Variants in ITSN1 observed in about 807,000 individuals in gnomAD.
ITSN1 encodes intersectin 1.
ITSN1 carries 58 observed loss-of-function variants against 239.8 expected under a neutral mutation model. The observed-to-expected ratio is 0.24, with a 90% CI of 0.20 to 0.30. The LOEUF is 0.30. Among genes scored for constraint, ITSN1 ranks in the 10% least tolerant of loss-of-function variants. ITSN1 has a pLI of 1.00. For synonymous variants in ITSN1, 780 were observed against 770.8 expected (o/e 1.01, Z -0.20); for missense variants, 1,558 against 2,103.3 (o/e 0.74, Z 5.07).
chr21:33,853,170 T>C (rs79748536), intron 29 of ITSN1, among the ~76,000 whole-genome samples: 2 of 152,194 alleles, frequency 1.3e-5, no homozygotes, highest in Admixed American at 1.3e-4. Flanking sequence ...CACAAAACTT[T>C]TGCTTTTCAT....
chr21:33,663,956 G>A (rs1184996217), intron 1 of ITSN1, among the ~76,000 whole-genome samples: 1 of 152,084 alleles, frequency 6.6e-6, no homozygotes, highest in Non-Finnish European at 1.5e-5. Context: ...TAGACAGTGG[G>A]GGTTGGAACT....
chr21:33,788,528 T>C (rs1234152248), intron 16 of ITSN1, among the ~76,000 whole-genome samples: 1 of 152,146 alleles, frequency 6.6e-6, no homozygotes, highest in African/African-American at 2.4e-5. Context: ...GTCAGGAGTT[T>C]GAGACCAGCC....
rs1016019116 is a variant in ITSN1, at chr21:33,898,253, C to T, written c.*9953C>T. On this transcript the variant is annotated 3_prime_UTR_variant, in exon 40 of 40. Coordinates refer to ENST00000381318, the MANE Select transcript of ITSN1 (RefSeq NM_003024.3). ...ATTGATTCAGTTTATCCCTAATTAG[C>T]GTTTGCGTTTTCCATGAAATTTCCT... 3 of 152,230 alleles carry T rather than the reference C, an allele frequency of 2.0e-5. No individual in the cohort carries two copies. The highest frequency in any genetic ancestry group is 4.8e-5 in the African/African-American group (2 of 41,454). 9.4% of individuals were successfully genotyped at this position (152,230 alleles called of 1,614,324 possible). A position where few individuals can be genotyped will look rare whatever the true frequency, so the allele number is the denominator to read the frequency against.
intron 22 of ITSN1, 101 bp downstream of exon 22, chr21:33,814,173 T>A: frequency 7.6e-7 from 1 of 1,310,002 alleles, no homozygotes; most frequent in Non-Finnish European, 1.1e-6. Flanking sequence ...CAAGCCTTGT[T>A]ATGTGTGTCT....
At chr21:33,749,416 G>T (rs1374889699) in intron 5 of ITSN1, among the ~76,000 whole-genome samples, 1 of 152,154 alleles carries the variant, frequency 6.6e-6, no homozygotes, top group Non-Finnish European at 1.5e-5. Context: ...GCCAAGGCAG[G>T]TGGATCACCT....
chr21:33,744,167 T>C (rs2067039793), intron 5 of ITSN1, among the ~76,000 whole-genome samples: 1 of 152,226 alleles, frequency 6.6e-6, no homozygotes. Flanking sequence ...GGAGCAGGAC[T>C]GCATGCAAAA....
intron 29 of ITSN1, among the ~76,000 whole-genome samples, chr21:33,850,749 C>T (rs1444969321): frequency 1.3e-5 from 2 of 151,878 alleles, no homozygotes; most frequent in Non-Finnish European, 2.9e-5. Context: ...CACGTCATAT[C>T]CATGTGGCTT....
chr21:33,743,854 T>G (rs917795748), intron 5 of ITSN1, among the ~76,000 whole-genome samples: 3 of 152,212 alleles, frequency 2.0e-5, no homozygotes, highest in African/African-American at 7.2e-5. Context: ...TTTAGAATTC[T>G]CAGGGAAAGA....
chr21:33,735,266 CT>C (rs764662576), intron 5 of ITSN1, 62 bp downstream of exon 5: 12 of 1,505,414 alleles, frequency 8.0e-6, no homozygotes, highest in South Asian at 2.3e-5. Context: ...AAATGTTTTC[CT>C]TTTTTTCCCT....
intron 16 of ITSN1, among the ~76,000 whole-genome samples, chr21:33,782,636 A>G (rs868064816): frequency 1.2e-4 from 19 of 152,186 alleles, no homozygotes; most frequent in South Asian, 4.1e-4. Context: ...AAATTGGGAA[A>G]ATGCCAAAAC....
intron 33 of ITSN1, among the ~76,000 whole-genome samples, chr21:33,872,093 A>G (rs767747437): frequency 2.6e-5 from 4 of 152,262 alleles, no homozygotes; most frequent in Admixed American, 6.5e-5. Flanking sequence ...ATAACAAAAC[A>G]AGAAAATACT....
chr21:33,829,451 TG>T, intron 26 of ITSN1, 172 bp from the exon 27 acceptor site: 1 of 664,272 alleles, frequency 1.5e-6, no homozygotes, highest in Non-Finnish European at 2.6e-6. Flanking sequence ...CGTGTCTGCC[TG>T]GTAGCTCTGG....
At position 33,748,189 on chromosome 21, in the gene ITSN1, G is replaced by A. The variant is rs528423342; in HGVS notation, c.347-1954G>A. Among the ~76,000 whole-genome samples, 15 of 152,280 alleles carry A rather than the reference G, an allele frequency of 9.9e-5. No homozygotes were observed. In the East Asian group the frequency reaches 2.9e-3, roughly 29 times the overall value. ...ACCACATAGAAAATTACTTTTGGATGCATACAGTGGCTCAGCCCTGTAATC... is the reference window on the plus strand; with the variant it reads ...ACCACATAGAAAATTACTTTTGGATACATACAGTGGCTCAGCCCTGTAATC... On this transcript the variant is annotated intron_variant, in intron 5 of 39. Coordinates refer to ENST00000381318, the MANE Select transcript of ITSN1 (RefSeq NM_003024.3).
intron 1 of ITSN1, among the ~76,000 whole-genome samples, chr21:33,674,210 G>A (rs1194071152): frequency 6.6e-6 from 1 of 152,118 alleles, no homozygotes; most frequent in East Asian, 1.9e-4. Context: ...TTTTACTGTG[G>A]ATTCTTTTTT....
chr21:33,672,656 A>G (rs1381566414), intron 1 of ITSN1, among the ~76,000 whole-genome samples: 1 of 152,190 alleles, frequency 6.6e-6, no homozygotes, highest in African/African-American at 2.4e-5. Context: ...TCTTGGGAAG[A>G]TATCTGCACT....
chr21:33,807,540 C>G (rs1309289070), intron 20 of ITSN1, among the ~76,000 whole-genome samples: 1 of 151,964 alleles, frequency 6.6e-6, no homozygotes, highest in East Asian at 1.9e-4. Flanking sequence ...GTTTCACCAG[C>G]CTGAAACTCC....
In ITSN1 at chr21:33,867,311, T is replaced by A; in HGVS notation, c.4153T>A (p.Tyr1385Asn). Reference protein sequence around the residue: ...ILKPMQRVTRYPLIIKNILEN... With the variant: ...ILKPMQRVTRNPLIIKNILEN... ...GAAGCCTATGCAACGGGTAACAAGA[T>A]ACCCACTGATCATTAAAAATGTAAG... is the stretch of plus-strand genomic sequence containing the variant. Residue 1385 changes from tyrosine (Y) to asparagine (N), a missense_variant, in exon 33 of 40, where the codon TAC (tyrosine) becomes AAC (asparagine). Tyr to Asn is a moderately radical substitution (Grantham distance 143). This residue lies in a region of ITSN1 where 576 missense variants were observed against 893.3 expected (regional missense o/e 0.64). Transcript: ENST00000381318. The A allele has an allele frequency of 6.2e-7, 1 of 1,602,636 alleles. No homozygotes were observed. The highest frequency in any genetic ancestry group is 8.5e-7 in the Non-Finnish European group (1 of 1,169,636).
At chr21:33,818,794 G>C (rs1024592405) in intron 23 of ITSN1, among the ~76,000 whole-genome samples, 4 of 152,202 alleles carry the variant, frequency 2.6e-5, no homozygotes, top group Non-Finnish European at 5.9e-5. Flanking sequence ...TGCTGTACCA[G>C]ATATATGTGA....
chr21:33,796,498 T>C (rs1270990274), intron 17 of ITSN1, among the ~76,000 whole-genome samples: 1 of 152,242 alleles, frequency 6.6e-6, no homozygotes, highest in African/African-American at 2.4e-5. Context: ...TATGTTCCCG[T>C]GGCAGATTCC....
Sources: gnomAD v4.1 joint callset for allele counts (sites outside exome capture counted in the v4.1 genomes callset) on GRCh38, gnomAD v4.1.1 for gene constraint, gnomAD v4.1.1 regional missense constraint, MANE v1.5 for transcripts, NCBI Gene and HGNC (gene_info 2026-07-23, HGNC 2026-07-21) for gene names.